RBFOX1: variants seen among roughly 807,000 people sequenced by gnomAD.
The protein encoded by RBFOX1 is RNA binding protein fox-1 homolog 1.
Under a neutral mutation model 57.7 loss-of-function variants are expected in RBFOX1, and 8 were observed. The ratio of observed to expected loss-of-function variants is 0.14; its 90% confidence interval spans 0.08 to 0.25. The LOEUF is 0.25. Ranked by LOEUF, RBFOX1 falls within the 10% of genes least tolerant of loss-of-function variation. The probability of loss-of-function intolerance (pLI) is 1.00; values close to 1 mark genes in which losing one functional copy is unlikely to be tolerated. For missense variants in RBFOX1, 611 were observed against 548.5 expected, an observed-to-expected ratio of 1.11 and a Z score of -1.14; for synonymous variants, 326 against 222.4, an observed-to-expected ratio of 1.47 and a Z score of -4.15.
intron 4 of RBFOX1, among the ~76,000 whole-genome samples, chr16:5,989,948 G>A (rs1227971270): frequency 6.6e-6 from 1 of 151,780 alleles, no homozygotes; most frequent in South Asian, 2.1e-4. Flanking sequence ...GGAAGCCAGT[G>A]AGATTTTGTG....
At chr16:5,868,167 C>T (rs1442433714) in intron 4 of RBFOX1, among the ~76,000 whole-genome samples, 1 of 152,194 alleles carries the variant, frequency 6.6e-6, no homozygotes, top group South Asian at 2.1e-4. Flanking sequence ...TGGGCTCCTG[C>T]AAAATATGCC....
chr16:7,660,820 T>C (rs1019743820), intron 12 of RBFOX1, among the ~76,000 whole-genome samples: 1 of 152,230 alleles, frequency 6.6e-6, no homozygotes, highest in African/African-American at 2.4e-5. Flanking sequence ...CTCCAGGTGA[T>C]TCTGCTACAC....
At chr16:5,360,224 T>C (rs925803903) in intron 1 of RBFOX1, among the ~76,000 whole-genome samples, 4 of 152,200 alleles carry the variant, frequency 2.6e-5, no homozygotes, top group Non-Finnish European at 1.5e-5. Context: ...CCTGGCTAGC[T>C]CTGTGTGCTG....
chr16:6,060,123 T>TTTTTTTTTTTTTTTTTTC (rs2095665392), intron 1 of RBFOX1, among the ~76,000 whole-genome samples: 1 of 5,124 alleles, frequency 2.0e-4, no homozygotes, highest in Non-Finnish European at 4.7e-4. Flanking sequence ...AGGATTAGGG[T>TTTTTTTTTTTTTTTTTTC]TTTTTTTTTT....
chr16:6,870,669 A>G (rs1037443959), intron 3 of RBFOX1, among the ~76,000 whole-genome samples: 7 of 152,228 alleles, frequency 4.6e-5, no homozygotes, highest in African/African-American at 7.2e-5. Context: ...GAATATTACC[A>G]TAACCATAAT....
intron 2 of RBFOX1, among the ~76,000 whole-genome samples, chr16:5,593,744 C>T (rs1246423565): frequency 6.6e-6 from 1 of 152,178 alleles, no homozygotes; most frequent in Non-Finnish European, 1.5e-5. Flanking sequence ...AACCAGCAGC[C>T]CTGGGGACTG....
intron 3 of RBFOX1, among the ~76,000 whole-genome samples, chr16:6,822,523 A>G (rs1323019121): frequency 2.0e-4 from 31 of 152,238 alleles, no homozygotes; most frequent in Admixed American, 2.0e-3. Context: ...ATGCAATTCC[A>G]CTTCGTGGCT....
intron 4 of RBFOX1, among the ~76,000 whole-genome samples, chr16:7,268,140 C>T (rs74487010): frequency 1.3e-5 from 2 of 152,110 alleles, no homozygotes; most frequent in Admixed American, 1.3e-4. Context: ...TGTCCCTGCA[C>T]CTCAATATAG....
chr16:5,433,052 A>G (rs1422710321), intron 1 of RBFOX1, among the ~76,000 whole-genome samples: 1 of 152,154 alleles, frequency 6.6e-6, no homozygotes, highest in Non-Finnish European at 1.5e-5. Context: ...TATTACATGG[A>G]TGGATGGAAA....
chr16:5,678,733 C>T (rs9927742), intron 3 of RBFOX1, among the ~76,000 whole-genome samples: 35,121 of 152,066 alleles, frequency 0.23, 4,589 homozygotes, highest in East Asian at 0.57. Context: ...TGGAGTTTGT[C>T]GACATTTGTG....
At chr16:7,175,001 G>A (rs943758397) in intron 4 of RBFOX1, among the ~76,000 whole-genome samples, 1 of 151,962 alleles carries the variant, frequency 6.6e-6, no homozygotes, top group Admixed American at 6.6e-5. Context: ...GATGTCTAAT[G>A]ATGTTGAGCA....
chr16:5,673,449 C>T (rs755970544), intron 3 of RBFOX1, among the ~76,000 whole-genome samples: 3 of 152,172 alleles, frequency 2.0e-5, no homozygotes, highest in Non-Finnish European at 4.4e-5. Flanking sequence ...GATTTCCTTC[C>T]TCTCTCTGGC....
At chr16:6,018,341 G>C (rs550305856), upstream of RBFOX1, among the ~76,000 whole-genome samples, 1 of 152,306 alleles carries the variant, frequency 6.6e-6, no homozygotes, top group Non-Finnish European at 1.5e-5. Context: ...TAAACCTCCA[G>C]TATCTACTTC....
chr16:6,915,894 T>C (rs2073042282), intron 3 of RBFOX1, among the ~76,000 whole-genome samples: 1 of 152,160 alleles, frequency 6.6e-6, no homozygotes, highest in Non-Finnish European at 1.5e-5. Flanking sequence ...GAAGTGGACA[T>C]GTTCCGTGAA....
intron 2 of RBFOX1, among the ~76,000 whole-genome samples, chr16:6,451,153 A>G (rs1456704182): frequency 6.6e-6 from 1 of 151,682 alleles, no homozygotes; most frequent in Non-Finnish European, 1.5e-5. Flanking sequence ...GATCCAGTGC[A>G]TGCTTGTAAA....
At chr16:7,538,087 T>C (rs1463424085) in intron 5 of RBFOX1, among the ~76,000 whole-genome samples, 3 of 152,186 alleles carry the variant, frequency 2.0e-5, no homozygotes, top group African/African-American at 7.2e-5. Flanking sequence ...AGCTCTGGGT[T>C]AGACCTTGAG....
chr16:6,933,227 C>G (rs1467571983), intron 3 of RBFOX1, among the ~76,000 whole-genome samples: 1 of 152,162 alleles, frequency 6.6e-6, no homozygotes, highest in African/African-American at 2.4e-5. Flanking sequence ...TTCAGAGTCC[C>G]TGCTTTCAGT....
In RBFOX1 at chr16:6,986,149, C is replaced by CAATTT. The variant is rs1555719379; in HGVS notation, c.-15-65908_-15-65907insAATTT. On this transcript the variant is annotated intron_variant, in intron 3 of 15. Transcript: ENST00000550418. Reference sequence around the variant, plus strand: ...AAAAATGTAAGACTTGTACAATAACCCTTATATACGTCTACCAGAATCACC... The same window carrying CAATTT: ...AAAAATGTAAGACTTGTACAATAACCAATTTCTTATATACGTCTACCAGAATCACC... Among the ~76,000 whole-genome samples the CAATTT allele has an allele frequency of 6.5e-3, 787 of 120,870 alleles. 5 individuals carry two copies. The highest frequency in any genetic ancestry group is 0.021 in the African/African-American group (522 of 25,384). The allele number at this position is 120,870 out of a possible 152,430, so 79.3% of individuals were successfully genotyped here.
chr16:6,154,052 A>G (rs1039859424), intron 1 of RBFOX1, among the ~76,000 whole-genome samples: 6 of 152,244 alleles, frequency 3.9e-5, no homozygotes, highest in African/African-American at 1.4e-4. Context: ...TCCAGACCTC[A>G]TGGAAACCTC....
Sources: allele counts gnomAD v4.1 joint callset (sites outside exome capture counted in the v4.1 genomes callset), GRCh38; gene constraint gnomAD v4.1.1; transcripts MANE v1.5; gene names NCBI Gene and HGNC (gene_info 2026-07-23, HGNC 2026-07-21).